OTUD7A: variants seen among roughly 807,000 people sequenced by gnomAD.
OTUD7A encodes the protein OTU deubiquitinase 7A.
Under a neutral mutation model 65.7 loss-of-function variants are expected in OTUD7A, and 12 were observed. The observed-to-expected ratio is 0.18, with a 90% CI of 0.12 to 0.30. OTUD7A has a LOEUF of 0.30. Among genes scored for constraint, OTUD7A ranks in the 10% least tolerant of loss-of-function variants. The pLI, the probability that OTUD7A is intolerant of heterozygous loss-of-function variation, is 1.00. For missense variants in OTUD7A, 1,148 were observed against 1,304.8 expected (o/e 0.88, Z 1.85); for synonymous variants, 641 against 586.3 (o/e 1.09, Z -1.35).
Position 31,484,332 on chromosome 15 carries a change from C to G in OTUD7A, c.1764G>C (p.Thr588=). The change falls in exon 13 of 13, where the codon ACG becomes ACC. Residue 588 remains threonine (T), a synonymous_variant. Coordinates refer to ENST00000307050, the MANE Select transcript of OTUD7A (RefSeq NM_001382637.1). The surrounding 1 kb of genome is among the most constrained non-coding windows in gnomAD (Gnocchi z 4.5). ...SKEESGASAS[T]SPSEKTTPSP... ...ACGGCGTGGTCTTTTCCGACGGCGA[C>G]GTGCTGGCCGACGCACCAGACTCCT... 6.3e-7 allele frequency: 1 copy of G among 1,599,832 alleles called. No individual in the cohort carries two copies. Among genetic ancestry groups the G allele is most frequent in the Non-Finnish European group, 8.5e-7 (1 of 1,178,976 alleles).
At chr15:31,490,999 G>A (rs922892039) in intron 10 of OTUD7A, among the ~76,000 whole-genome samples, 5 of 152,168 alleles carry the variant, frequency 3.3e-5, no homozygotes, top group African/African-American at 1.2e-4. Context: ...CCTAGACTCT[G>A]AAAACCTAGC....
At chr15:31,835,612 ATTG>A (rs1389825916) in intron 1 of OTUD7A, among the ~76,000 whole-genome samples, 3 of 152,160 alleles carry the variant, frequency 2.0e-5, no homozygotes, top group Non-Finnish European at 4.4e-5. Flanking sequence ...AAACTGCCCT[ATTG>A]TTTGGACCTA....
chr15:31,860,955 G>A (rs894780349), intron 1 of OTUD7A, among the ~76,000 whole-genome samples: 33 of 145,386 alleles, frequency 2.3e-4, no homozygotes, highest in Admixed American at 6.4e-4. Flanking sequence ...TCCTGACCTC[G>A]TGATCTGCCT....
intron 3 of OTUD7A, among the ~76,000 whole-genome samples, chr15:31,642,125 C>T (rs1460285761): frequency 4.6e-5 from 7 of 152,110 alleles, no homozygotes; most frequent in South Asian, 2.1e-4. Context: ...AAATCAAGGA[C>T]GAATGTGGAT....
intron 5 of OTUD7A, among the ~76,000 whole-genome samples, chr15:31,541,315 T>C (rs1007647025): frequency 1.8e-4 from 28 of 152,214 alleles, no homozygotes; most frequent in Non-Finnish European, 1.5e-5. Context: ...AAAGCAACTT[T>C]TAAAAACCAA....
chr15:31,847,860 T>C (rs112301490), intron 1 of OTUD7A, among the ~76,000 whole-genome samples: 2 of 152,076 alleles, frequency 1.3e-5, no homozygotes, highest in African/African-American at 2.4e-5. Flanking sequence ...TCTTACCACA[T>C]TGGAGCAGGA....
intron 3 of OTUD7A, among the ~76,000 whole-genome samples, chr15:31,580,896 C>T (rs1889351841): frequency 1.3e-5 from 2 of 152,136 alleles, no homozygotes; most frequent in African/African-American, 4.8e-5. Flanking sequence ...TTCATGTCCT[C>T]ACATTTCAAA....
chr15:31,629,351 CAT>C (rs1363737397), intron 3 of OTUD7A, among the ~76,000 whole-genome samples: 21 of 152,252 alleles, frequency 1.4e-4, no homozygotes, highest in Admixed American at 6.5e-4. Context: ...TTGAGATAAT[CAT>C]GTGGTTTTTG....
chr15:31,822,942 C>T (rs982366553), intron 1 of OTUD7A, among the ~76,000 whole-genome samples: 3 of 152,142 alleles, frequency 2.0e-5, no homozygotes, highest in African/African-American at 7.2e-5. Context: ...ATAAAACCTA[C>T]AAGACGTATG....
intron 8 of OTUD7A, among the ~76,000 whole-genome samples, chr15:31,505,218 T>G (rs1284060008): frequency 6.6e-6 from 1 of 152,188 alleles, no homozygotes; most frequent in Non-Finnish European, 1.5e-5. Flanking sequence ...GGTTAGTAAC[T>G]TTGAATTTTT....
chr15:31,856,296 G>A (rs1897570823), intron 1 of OTUD7A, among the ~76,000 whole-genome samples: 1 of 152,174 alleles, frequency 6.6e-6, no homozygotes, highest in African/African-American at 2.4e-5. Context: ...GGAGCAATTA[G>A]TAGTAATGCC....
rs575334722 is a variant in OTUD7A, at chr15:31,780,097, C to T, written c.-100+90410G>A. ...ACAAGGATGGCAGAAGCAGACAGGCCAGCCGCGACAGCTGTCAGGAAATGA... is the reference window on the plus strand; with the variant it reads ...ACAAGGATGGCAGAAGCAGACAGGCTAGCCGCGACAGCTGTCAGGAAATGA... On this transcript the variant is annotated intron_variant, in intron 1 of 12. Transcript: ENST00000307050. Among the ~76,000 whole-genome samples the T allele has an allele frequency of 6.6e-5, 10 of 152,206 alleles. No individual in the cohort carries two copies. The South Asian group carries it at 1.7e-3, about 25-fold the overall frequency.
chr15:31,542,139 T>C (rs999502674), intron 5 of OTUD7A, among the ~76,000 whole-genome samples: 10 of 152,038 alleles, frequency 6.6e-5, no homozygotes, highest in African/African-American at 2.4e-4. Flanking sequence ...GTCCCACATA[T>C]AACATCCTGC....
At chr15:31,632,084 C>T (rs1343023994) in intron 3 of OTUD7A, among the ~76,000 whole-genome samples, 3 of 152,330 alleles carry the variant, frequency 2.0e-5, no homozygotes, top group Admixed American at 6.5e-5. Flanking sequence ...CTTCTTCTCT[C>T]AGCTCGTCAA....
At chr15:31,834,463 T>A (rs1897007573) in intron 1 of OTUD7A, among the ~76,000 whole-genome samples, 1 of 152,240 alleles carries the variant, frequency 6.6e-6, no homozygotes, top group Admixed American at 6.5e-5. Context: ...ACATTAGACA[T>A]TTTTAATGGG....
intron 3 of OTUD7A, among the ~76,000 whole-genome samples, chr15:31,607,146 T>A (rs1890260968): frequency 6.6e-6 from 1 of 152,206 alleles, no homozygotes; most frequent in Non-Finnish European, 1.5e-5. Flanking sequence ...AGAGATAAAC[T>A]AGCATTTGGA....
At chr15:31,515,095 G>A in intron 8 of OTUD7A, among the ~76,000 whole-genome samples, 1 of 152,156 alleles carries the variant, frequency 6.6e-6, no homozygotes, top group East Asian at 1.9e-4. Context: ...CACAGGGGGA[G>A]AGAATATGGA....
chr15:31,516,788 ATC>A (rs1566897279), intron 8 of OTUD7A, among the ~76,000 whole-genome samples: 3 of 152,136 alleles, frequency 2.0e-5, no homozygotes, highest in Admixed American at 6.5e-5. Context: ...TTCTAGTTGG[ATC>A]TCTCTGCCTG....
At chr15:31,657,449 C>T (rs111594472) in intron 1 of OTUD7A, among the ~76,000 whole-genome samples, 62 of 152,054 alleles carry the variant, frequency 4.1e-4, no homozygotes, top group Admixed American at 8.5e-4. Context: ...CTCCGCCTCC[C>T]GGGTTCATGC....
Sources: gnomAD v4.1 joint callset for allele counts (sites outside exome capture counted in the v4.1 genomes callset) on GRCh38, gnomAD v4.1.1 for gene constraint, Gnocchi (gnomAD v3.1) non-coding constraint, MANE v1.5 for transcripts, NCBI Gene and HGNC (gene_info 2026-07-23, HGNC 2026-07-21) for gene names.